Variants in CNGB3 observed in about 807,000 individuals in gnomAD.
CNGB3 encodes the protein cyclic nucleotide-gated channel beta-3.
CNGB3 carries 86 observed loss-of-function variants against 92.8 expected under a neutral mutation model. The ratio of observed to expected loss-of-function variants is 0.93; its 90% CI spans 0.78 to 1.11. The LOEUF (loss-of-function observed/expected upper bound fraction) is 1.11, where lower values mean the gene tolerates loss of function less well. Among genes scored for constraint, CNGB3 ranks in the 50% least tolerant of loss-of-function variants. CNGB3 has a pLI of 0.00. For synonymous variants in CNGB3, 333 were observed against 332.7 expected (o/e 1.00, Z -0.01); for missense variants, 1,026 against 956.8 (o/e 1.07, Z -0.95).
At chr8:86,730,530 G>A (rs977553394) in intron 2 of CNGB3, among the ~76,000 whole-genome samples, 3 of 152,180 alleles carry the variant, frequency 2.0e-5, no homozygotes, top group African/African-American at 7.2e-5. Flanking sequence ...GGAGCCACCA[G>A]TACCTGAGTA....
At chr8:86,644,296 G>GA (rs1241801338) in intron 9 of CNGB3, among the ~76,000 whole-genome samples, 2 of 151,308 alleles carry the variant, frequency 1.3e-5, no homozygotes, top group Non-Finnish European at 3.0e-5. Flanking sequence ...ACAAACGAAT[G>GA]AAATTCAGAT....
intron 15 of CNGB3, among the ~76,000 whole-genome samples, chr8:86,595,177 C>T (rs1016674091): frequency 2.0e-5 from 3 of 152,112 alleles, no homozygotes; most frequent in African/African-American, 7.2e-5. Flanking sequence ...TTTCTTTAAC[C>T]ATAACTCTAG....
intron 2 of CNGB3, among the ~76,000 whole-genome samples, chr8:86,737,994 G>A (rs13271040): frequency 0.57 from 86,070 of 151,932 alleles, 24,607 homozygotes; most frequent in South Asian, 0.74. Flanking sequence ...TTTGTTCCTT[G>A]AAGATGAGAC....
chr8:86,671,074 A>C lies in CNGB3; in HGVS notation c.363T>G (p.Ala121=). ...CATCGGCATACTCATTTATAACAGGAGCTGCAGGCGGTTTGTTTTGTGGGC... is the reference window on the plus strand; with the variant it reads ...CATCGGCATACTCATTTATAACAGGCGCTGCAGGCGGTTTGTTTTGTGGGC... The part of the protein sequence containing the change: ...PNSPQNKPPA[A]PVINEYADAQ... Residue 121 remains alanine, a synonymous_variant, in exon 4 of 18, where the codon GCT becomes GCG. Transcript: ENST00000320005. The C allele has an allele frequency of 1.9e-6, 3 of 1,613,828 alleles. No individual in the cohort carries two copies. Among genetic ancestry groups the C allele is most frequent in the Non-Finnish European group, 8.5e-7 (1 of 1,180,006 alleles).
intron 3 of CNGB3, among the ~76,000 whole-genome samples, chr8:86,702,676 T>C (rs1824576720): frequency 6.6e-6 from 1 of 152,186 alleles, no homozygotes; most frequent in Non-Finnish European, 1.5e-5. Flanking sequence ...AAAATTGGCA[T>C]GTAATTTTAG....
intron 3 of CNGB3, among the ~76,000 whole-genome samples, chr8:86,674,344 G>T (rs1269376825): frequency 1.3e-5 from 2 of 152,158 alleles, no homozygotes; most frequent in Non-Finnish European, 1.5e-5. Flanking sequence ...AAGAATGCAA[G>T]CATATCAAAT....
At chr8:86,633,950 A>T (rs1043289258) in intron 10 of CNGB3, among the ~76,000 whole-genome samples, 3 of 152,212 alleles carry the variant, frequency 2.0e-5, no homozygotes, top group Admixed American at 6.5e-5. Context: ...GTAATGGGCA[A>T]CTGATCTAGA....
At chr8:86,591,315 C>T (rs1210662361) in intron 15 of CNGB3, among the ~76,000 whole-genome samples, 4 of 62,050 alleles carry the variant, frequency 6.4e-5, no homozygotes, top group South Asian at 4.6e-4. Flanking sequence ...GTAATTTGAT[C>T]GTCTGAAGCC....
intron 6 of CNGB3, chr8:86,660,173 AT>A: frequency 6.7e-6 from 2 of 299,710 alleles, no homozygotes; most frequent in Non-Finnish European, 1.4e-5. Context: ...GATTGCTGCC[AT>A]TTTTCATTTT....
intron 7 of CNGB3, among the ~76,000 whole-genome samples, chr8:86,648,843 C>T (rs999252071): frequency 6.6e-6 from 1 of 151,126 alleles, no homozygotes; most frequent in Non-Finnish European, 1.5e-5. Flanking sequence ...GCATTCACAT[C>T]AAAAAAGAGG....
chr8:86,648,833 G>T (rs1468085965), intron 7 of CNGB3, among the ~76,000 whole-genome samples: 1 of 151,204 alleles, frequency 6.6e-6, no homozygotes, highest in Non-Finnish European at 1.5e-5. Flanking sequence ...GAAATAAAGG[G>T]CATTCACATC....
rs186228300 is a variant in CNGB3 at position 86,702,829 on chromosome 8, A to G, written c.338+23702T>C. Among the ~76,000 whole-genome samples, 1,208 of 152,030 alleles carry G rather than the reference A, an allele frequency of 7.9e-3. 8 individuals are homozygous for G. The highest frequency in any genetic ancestry group is 0.013 in the Non-Finnish European group (850 of 67,940). ...GTGTAAGCTTTTAATATATATATTAAGTATTTTCTCCGTTTTTCATGTCTT... is the reference window on the plus strand; with the variant it reads ...GTGTAAGCTTTTAATATATATATTAGGTATTTTCTCCGTTTTTCATGTCTT... On this transcript the variant is annotated intron_variant, in intron 3 of 17. Coordinates refer to ENST00000320005, the MANE Select transcript of CNGB3 (RefSeq NM_019098.5).
At chr8:86,741,823 G>T (rs1185356635) in intron 1 of CNGB3, among the ~76,000 whole-genome samples, 4 of 152,210 alleles carry the variant, frequency 2.6e-5, no homozygotes, top group Non-Finnish European at 5.9e-5. Context: ...TGAAAGGAAA[G>T]ATAACTCTTT....
intron 3 of CNGB3, among the ~76,000 whole-genome samples, chr8:86,679,851 G>T (rs1343686143): frequency 6.6e-6 from 1 of 152,106 alleles, no homozygotes; most frequent in Non-Finnish European, 1.5e-5. Flanking sequence ...ATAAGAAAAA[G>T]AAGAGGGACT....
chr8:86,668,160 TGGGCTTTGCTTCATA>T lies in CNGB3; in HGVS notation c.494-7_501del, dbSNP rs1823781527. The T allele has an allele frequency of 6.2e-7, 1 of 1,611,536 alleles. No homozygotes were observed. The highest frequency in any genetic ancestry group is 1.1e-5 in the South Asian group (1 of 90,806). On this transcript the variant is annotated splice_acceptor_variant and splice_polypyrimidine_tract_variant and coding_sequence_variant and intron_variant, in exon 5 of 18. Coordinates refer to ENST00000320005, the MANE Select transcript of CNGB3 (RefSeq NM_019098.5). LOFTEE classifies it high-confidence loss of function. ...CTTTCTTTTACTGGTGGTACAGCCG[TGGGCTTTGCTTCATA>T]GGGAAAAAAAAAAAGATGAAACATT...
chr8:86,594,430 T>C, intron 15 of CNGB3: 1 of 288,832 alleles, frequency 3.5e-6, no homozygotes, highest in East Asian at 1.3e-4. Flanking sequence ...CGAAATCCAC[T>C]GTGTGGTGCA....
At chr8:86,728,588 C>G (rs576736587) in intron 2 of CNGB3, among the ~76,000 whole-genome samples, 1 of 152,270 alleles carries the variant, frequency 6.6e-6, no homozygotes, top group East Asian at 1.9e-4. Context: ...TGGACAATTA[C>G]TGTATGATAT....
intron 4 of CNGB3, among the ~76,000 whole-genome samples, chr8:86,669,599 A>C: frequency 6.6e-6 from 1 of 152,174 alleles, no homozygotes; most frequent in East Asian, 1.9e-4. Flanking sequence ...ATCTTTATCG[A>C]AGTATAATAA....
chr8:86,616,365 T>C (rs1822623400), intron 13 of CNGB3, among the ~76,000 whole-genome samples: 1 of 152,206 alleles, frequency 6.6e-6, no homozygotes, highest in Admixed American at 6.5e-5. Context: ...TAGGACTAAA[T>C]CTTTCTTATT....
Sources: allele counts gnomAD v4.1 joint callset (sites outside exome capture counted in the v4.1 genomes callset), GRCh38; gene constraint gnomAD v4.1.1; transcripts MANE v1.5; gene names NCBI Gene and HGNC (gene_info 2026-07-23, HGNC 2026-07-21).